Variants in KMT2C observed in about 807,000 individuals in gnomAD.
KMT2C encodes the protein histone-lysine N-methyltransferase 2C.
A neutral mutation model predicts 507.9 loss-of-function variants in KMT2C; 88 were observed. That is an observed-to-expected ratio of 0.17 (90% CI 0.15 to 0.21). The LOEUF (loss-of-function observed/expected upper bound fraction) is 0.21, where lower values mean the gene tolerates loss of function less well. KMT2C is among the 10% of genes least tolerant of loss of function. The pLI, the probability that KMT2C is intolerant of heterozygous loss-of-function variation, is 1.00. For missense variants in KMT2C, 4,954 were observed against 5,957.8 expected, an observed-to-expected ratio of 0.83 and a Z score of 5.55; for synonymous variants, 2,049 against 2,080.8, an observed-to-expected ratio of 0.98 and a Z score of 0.42.
intron 14 of KMT2C, among the ~76,000 whole-genome samples, chr7:152,247,594 A>G (rs2095493328): frequency 6.6e-6 from 1 of 152,430 alleles, no homozygotes; most frequent in South Asian, 2.1e-4. Context: ...TTTAGGCTCT[A>G]TATTTACTGC....
intron 2 of KMT2C, among the ~76,000 whole-genome samples, chr7:152,349,976 G>T (rs1057443039): frequency 6.6e-6 from 1 of 152,144 alleles, no homozygotes; most frequent in Admixed American, 6.6e-5. Context: ...TTTTGGCCAG[G>T]TGCAGTGGTT....
chr7:152,329,697 C>T (rs1177784142), intron 3 of KMT2C, among the ~76,000 whole-genome samples: 3 of 87,530 alleles, frequency 3.4e-5, no homozygotes, highest in Admixed American at 1.5e-4. Flanking sequence ...GGAAGGAGGG[C>T]GGGAAGGAAG....
At chr7:152,152,312 T>C (rs900961972) in intron 49 of KMT2C, among the ~76,000 whole-genome samples, 1 of 151,962 alleles carries the variant, frequency 6.6e-6, no homozygotes, top group Non-Finnish European at 1.5e-5. Flanking sequence ...TAGGTGAGGA[T>C]GGAAAGCAGA....
intron 23 of KMT2C, among the ~76,000 whole-genome samples, chr7:152,210,539 GTTTT>G (rs879375465): frequency 1.7e-4 from 24 of 145,094 alleles, no homozygotes; most frequent in Non-Finnish European, 1.4e-4. Flanking sequence ...CTTTTTATGA[GTTTT>G]TTTTTTTTTA....
rs372591084 is a variant in KMT2C, at chr7:152,187,698, G to T, written c.4793+17C>A. ...AATTAGTGCAATTTAAGTTTCCATAGAAAATAAGGCTTGTACCTGGCATCA... is the reference window on the plus strand; with the variant it reads ...AATTAGTGCAATTTAAGTTTCCATATAAAATAAGGCTTGTACCTGGCATCA... On this transcript the variant is annotated intron_variant, in intron 32 of 58. Transcript: ENST00000262189. 42 of 1,600,508 alleles carry T rather than the reference G, an allele frequency of 2.6e-5. No homozygotes were observed. Among genetic ancestry groups the T allele is most frequent in the Non-Finnish European group, 3.4e-5 (40 of 1,176,362 alleles).
intron 1 of KMT2C, among the ~76,000 whole-genome samples, chr7:152,383,964 C>A (rs940025495): frequency 2.0e-5 from 3 of 151,786 alleles, no homozygotes; most frequent in African/African-American, 7.3e-5. Context: ...TCCTTTCTAG[C>A]CTTGTTAGTT....
intron 2 of KMT2C, among the ~76,000 whole-genome samples, chr7:152,355,619 A>C (rs1191658357): frequency 6.6e-6 from 1 of 152,164 alleles, no homozygotes; most frequent in Non-Finnish European, 1.5e-5. Context: ...GTTTTAAAAA[A>C]AAGTTTCACT....
intron 1 of KMT2C, among the ~76,000 whole-genome samples, chr7:152,417,692 A>G (rs1215748602): frequency 3.9e-5 from 6 of 152,020 alleles, no homozygotes; most frequent in African/African-American, 1.4e-4. Flanking sequence ...CCCAGGCTGG[A>G]GTGTAGTGGC....
chr7:152,275,643 A>AT (rs1269773307), intron 6 of KMT2C, among the ~76,000 whole-genome samples: 3 of 152,252 alleles, frequency 2.0e-5, no homozygotes, highest in Admixed American at 1.3e-4. Context: ...AAAACAGGTA[A>AT]TTTTTTATAA....
At chr7:152,210,567 G>A (rs2094432840) in intron 23 of KMT2C, among the ~76,000 whole-genome samples, 1 of 151,320 alleles carries the variant, frequency 6.6e-6, no homozygotes, top group Non-Finnish European at 1.5e-5. Flanking sequence ...AAGCTCATCA[G>A]CTATCATTAG....
Position 152,154,150 on chromosome 7 carries a change from TAA to T in KMT2C, c.12140-6_12140-5del, listed in dbSNP as rs768935364. The T allele has an allele frequency of 1.2e-6, 2 of 1,612,612 alleles. No individual in the cohort carries two copies. The highest frequency in any genetic ancestry group is 1.7e-6 in the Non-Finnish European group (2 of 1,179,628). On this transcript the variant is annotated splice_region_variant and splice_polypyrimidine_tract_variant and intron_variant, in intron 47 of 58. Transcript: ENST00000262189. ...TCATTCCTTCTTGATTCTGAACCTT[TAA>T]AAAGAGAGAAAAAAAAGAGGAAAAT...
intron 2 of KMT2C, among the ~76,000 whole-genome samples, chr7:152,335,119 C>A (rs2096922000): frequency 6.6e-6 from 1 of 152,120 alleles, no homozygotes; most frequent in South Asian, 2.1e-4. Flanking sequence ...ACCTACAGAG[C>A]CTGTAGCTCT....
At chr7:152,344,999 T>C (rs901656382) in intron 2 of KMT2C, among the ~76,000 whole-genome samples, 1 of 150,346 alleles carries the variant, frequency 6.7e-6, no homozygotes, top group African/African-American at 2.5e-5. Context: ...AAAATTATAA[T>C]ACAATAAAAT....
intron 18 of KMT2C, among the ~76,000 whole-genome samples, chr7:152,227,811 G>C (rs1204022351): frequency 6.6e-6 from 1 of 152,170 alleles, no homozygotes; most frequent in East Asian, 1.9e-4. Context: ...TACATCTACT[G>C]GGAATTTGTA....
intron 23 of KMT2C, among the ~76,000 whole-genome samples, chr7:152,216,122 A>G (rs1458775740): frequency 1.3e-5 from 2 of 152,032 alleles, no homozygotes; most frequent in Admixed American, 6.6e-5. Flanking sequence ...CTCCCAACAC[A>G]TCCATACACT....
At chr7:152,368,565 G>A in intron 1 of KMT2C, 1 of 1,397,318 alleles carries the variant, frequency 7.2e-7, no homozygotes, top group Non-Finnish European at 1.0e-6. Context: ...GTCAGTTTGA[G>A]GATGAGAAGG....
chr7:152,212,448 G>A (rs943882882), intron 23 of KMT2C, among the ~76,000 whole-genome samples: 5 of 152,094 alleles, frequency 3.3e-5, no homozygotes, highest in African/African-American at 9.7e-5. Flanking sequence ...GAAATAAAAG[G>A]CATCAGCAGA....
chr7:152,410,761 T>C (rs80138121), intron 1 of KMT2C, among the ~76,000 whole-genome samples: 1,317 of 118,790 alleles, frequency 0.011, no homozygotes, highest in Middle Eastern at 0.026. Flanking sequence ...TTTTGGGAGG[T>C]TGAGGTAGGT....
intron 6 of KMT2C, among the ~76,000 whole-genome samples, chr7:152,284,643 A>G (rs544851138): frequency 9.9e-5 from 15 of 152,192 alleles, no homozygotes; most frequent in Non-Finnish European, 1.8e-4. Context: ...ACATTAGGCA[A>G]AAATATTTAT....
Sources: gnomAD v4.1 joint callset for allele counts (sites outside exome capture counted in the v4.1 genomes callset) on GRCh38, gnomAD v4.1.1 for gene constraint, MANE v1.5 for transcripts, NCBI Gene and HGNC (gene_info 2026-07-23, HGNC 2026-07-21) for gene names.